Variants in BRAF observed in about 807,000 individuals in gnomAD.
BRAF encodes serine/threonine-protein kinase B-raf.
In BRAF, 16 loss-of-function variants were observed where a neutral mutation model predicts 104.6. The ratio of observed to expected loss-of-function variants is 0.15; its 90% CI spans 0.10 to 0.23. The LOEUF (loss-of-function observed/expected upper bound fraction) is 0.23. Among genes scored for constraint, BRAF ranks in the 10% least tolerant of loss-of-function variants. BRAF has a pLI of 1.00. For missense variants in BRAF, 541 were observed against 937.3 expected (o/e 0.58, Z 5.52); for synonymous variants, 310 against 341.6 (o/e 0.91, Z 1.02).
intron 1 of BRAF, among the ~76,000 whole-genome samples, chr7:140,902,293 G>GA (rs1815737651): frequency 6.6e-6 from 1 of 152,058 alleles, no homozygotes; most frequent in Non-Finnish European, 1.5e-5. Context: ...GGGGTGCCAC[G>GA]AACCACACCC....
rs893594247 is a variant in BRAF, at chr7:140,725,127, G to A, written c.*1367C>T. On this transcript the variant is annotated 3_prime_UTR_variant, in exon 20 of 20. Transcript: ENST00000644969. ...TTGAAGACCAGGCTTGGGAAAAAAG[G>A]AAGAAGGAGAATGAATGGAGACGCC... is the stretch of plus-strand genomic sequence containing the variant. 9.6e-7 allele frequency: 1 copy of A among 1,041,692 alleles called. No individual in the cohort carries two copies. The highest frequency in any genetic ancestry group is 1.7e-5 in the African/African-American group (1 of 59,706). 64.5% of individuals were successfully genotyped at this position (1,041,692 alleles called of 1,614,324 possible).
intron 1 of BRAF, among the ~76,000 whole-genome samples, chr7:140,911,147 C>T (rs1816928170): frequency 2.0e-5 from 3 of 148,628 alleles, no homozygotes; most frequent in Admixed American, 1.3e-4. Flanking sequence ...AAGTATTAGA[C>T]AGTATTATTG....
At chr7:140,918,547 C>G (rs887069714) in intron 1 of BRAF, among the ~76,000 whole-genome samples, 1 of 152,136 alleles carries the variant, frequency 6.6e-6, no homozygotes, top group South Asian at 2.1e-4. Context: ...GGTATAGAGG[C>G]ACTAAACAGA....
chr7:140,741,122 G>C (rs1255005986), intron 17 of BRAF: 1 of 152,144 alleles, frequency 6.6e-6, no homozygotes, highest in African/African-American at 2.4e-5. Flanking sequence ...ATATATTATG[G>C]ACAGCAATTC....
rs1043228135 is a variant in BRAF at position 140,724,677 on chromosome 7, C to CA, written c.*1816dup. On this transcript the variant is annotated 3_prime_UTR_variant, in exon 20 of 20. Coordinates refer to ENST00000644969, the MANE Select transcript of BRAF (RefSeq NM_001374258.1). ...GAGCTTTTAGTGGCTGCAATATAGA[C>CA]AGCAGGGCCTGGAGTTACAATCTGA... The CA allele has an allele frequency of 3.9e-6, 4 of 1,033,978 alleles. No individual in the cohort carries two copies. In the African/African-American group the frequency reaches 6.7e-5, roughly 17 times the overall value. The allele number at this position is 1,033,978 out of a possible 1,614,324, so 64.1% of individuals were successfully genotyped here.
chr7:140,719,341 T>C lies in BRAF; in HGVS notation c.*7153A>G. ...AATAGTCTTGATGAAGACTTCTCCA[T>C]GCAGTCAATCTTTATTATAGCAGTA... On this transcript the variant is annotated 3_prime_UTR_variant, in exon 20 of 20. Transcript: ENST00000644969. The C allele has an allele frequency of 1.0e-6, 1 of 988,812 alleles. No individual in the cohort carries two copies. The highest frequency in any genetic ancestry group is 1.2e-6 in the Non-Finnish European group (1 of 822,514). 61.3% of individuals were successfully genotyped at this position (988,812 alleles called of 1,614,324 possible).
chr7:140,770,930 C>CAA (rs568324541), intron 14 of BRAF, among the ~76,000 whole-genome samples: 40 of 63,326 alleles, frequency 6.3e-4, no homozygotes, highest in Admixed American at 1.8e-3. Context: ...GATTCCATCT[C>CAA]AAAAAAAAAA....
chr7:140,773,266 C>G (rs1241001848), intron 14 of BRAF: 1 of 152,190 alleles, frequency 6.6e-6, no homozygotes, highest in South Asian at 2.1e-4. Flanking sequence ...GAGGGACTTA[C>G]AAGCTGCCTG....
chr7:140,724,764 A>T lies in BRAF; in HGVS notation c.*1730T>A. The T allele has an allele frequency of 8.7e-6, 9 of 1,034,732 alleles. No individual in the cohort carries two copies. Among genetic ancestry groups the T allele is most frequent in the Non-Finnish European group, 1.0e-5 (9 of 859,866 alleles). The allele number at this position is 1,034,732 out of a possible 1,614,324, so 64.1% of individuals were successfully genotyped here. A position where few individuals can be genotyped will look rare whatever the true frequency, so the allele number is the denominator to read the frequency against. The stretch of plus-strand genomic sequence containing the variant: ...TCTGGGTCTTGTTTAATTTCTTTCA[A>T]GTCCTTGGCTATAGCTTGGTTGGTC... On this transcript the variant is annotated 3_prime_UTR_variant, in exon 20 of 20. Coordinates refer to ENST00000644969, the MANE Select transcript of BRAF (RefSeq NM_001374258.1).
Position 140,798,272 on chromosome 7 carries a change from C to CTTTTTTT in BRAF, c.980+2083_980+2089dup, listed in dbSNP as rs10525418. ...AATGCTGTATGGGGACTTTTTTTTT[C>CTTTTTTT]TTTTTTTTGAGACGGAGTCTTGCTC... On this transcript the variant is annotated intron_variant, in intron 7 of 19. Coordinates refer to ENST00000644969, the MANE Select transcript of BRAF (RefSeq NM_001374258.1). Among the ~76,000 whole-genome samples the CTTTTTTT allele has an allele frequency of 1.0e-4, 12 of 115,620 alleles. 5 individuals are homozygous for CTTTTTTT. The highest frequency in any genetic ancestry group is 2.2e-4 in the Admixed American group (2 of 9,186). 75.9% of individuals were successfully genotyped at this position (115,620 alleles called of 152,430 possible). A position where few individuals can be genotyped will look rare whatever the true frequency, so the allele number is the denominator to read the frequency against.
At chr7:140,827,460 T>C (rs1216429546) in intron 3 of BRAF, among the ~76,000 whole-genome samples, 1 of 152,164 alleles carries the variant, frequency 6.6e-6, no homozygotes, top group African/African-American at 2.4e-5. Context: ...ATGATGAGAA[T>C]AGGTCCATAG....
chr7:140,922,014 A>C (rs1818277053), intron 1 of BRAF, among the ~76,000 whole-genome samples: 1 of 152,266 alleles, frequency 6.6e-6, no homozygotes, highest in South Asian at 2.1e-4. Flanking sequence ...TTCTTGGAGG[A>C]ATTTATTTTA....
chr7:140,907,969 T>C (rs1450642726), intron 1 of BRAF, among the ~76,000 whole-genome samples: 1 of 152,018 alleles, frequency 6.6e-6, no homozygotes, highest in African/African-American at 2.4e-5. Context: ...GGTCTTGAAC[T>C]CCTGACCTCA....
intron 16 of BRAF, among the ~76,000 whole-genome samples, chr7:140,749,624 A>AT (rs1797630422): frequency 6.6e-6 from 1 of 152,202 alleles, no homozygotes; most frequent in Non-Finnish European, 1.5e-5. Flanking sequence ...ATTAGCAGAG[A>AT]TTTTGTATTG....
intron 2 of BRAF, among the ~76,000 whole-genome samples, chr7:140,839,056 T>A (rs1264015071): frequency 1.3e-5 from 2 of 152,176 alleles, no homozygotes; most frequent in African/African-American, 4.8e-5. Flanking sequence ...TTTTTTTTTT[T>A]ACAAAGCCAG....
rs377093637 is a variant in BRAF at position 140,783,098 on chromosome 7, C to T, written c.1357G>A (p.Val453Met). ...CCTGGAGATTTCTGTAAGGCTTTCA[C>T]GTTAGTTAGTGAGCCAGGTAATGAG... ...PASLPGSLTN[V>M]KALQKSPGPQ... The change falls in exon 11 of 20, where the codon GTG becomes ATG. Residue 453 changes from valine (V) to methionine (M), a missense_variant. By Grantham distance (21) the Val-to-Met change is conservative. This residue lies in a region of BRAF where 109 missense variants were observed against 143.9 expected (regional missense o/e 0.76). Coordinates refer to ENST00000644969, the MANE Select transcript of BRAF (RefSeq NM_001374258.1). 4 of 1,613,932 alleles carry T rather than the reference C, an allele frequency of 2.5e-6. No homozygotes were observed. The highest frequency in any genetic ancestry group is 2.2e-5 in the East Asian group (1 of 44,852).
intron 14 of BRAF, among the ~76,000 whole-genome samples, chr7:140,768,842 G>A (rs1382790556): frequency 6.6e-6 from 1 of 151,940 alleles, no homozygotes; most frequent in Non-Finnish European, 1.5e-5. Flanking sequence ...GCTATAGAGT[G>A]AGGCTGTCCC....
intron 2 of BRAF, among the ~76,000 whole-genome samples, chr7:140,843,051 C>T (rs1270917653): frequency 6.6e-6 from 1 of 152,082 alleles, no homozygotes; most frequent in Admixed American, 6.6e-5. Flanking sequence ...ATAATCATAG[C>T]ACAACTTCTA....
intron 12 of BRAF, among the ~76,000 whole-genome samples, chr7:140,779,535 C>T (rs1800651141): frequency 6.6e-6 from 1 of 152,152 alleles, no homozygotes; most frequent in South Asian, 2.1e-4. Context: ...CATCCCTAAT[C>T]CAAACATATG....
Sources: gnomAD v4.1 joint callset for allele counts (sites outside exome capture counted in the v4.1 genomes callset) on GRCh38, gnomAD v4.1.1 for gene constraint, gnomAD v4.1.1 regional missense constraint, MANE v1.5 for transcripts, NCBI Gene and HGNC (gene_info 2026-07-23, HGNC 2026-07-21) for gene names.